The following CPQ variants were observed in gnomAD, a reference collection of about 807,000 sequenced individuals.
CPQ encodes carboxypeptidase Q.
Under a neutral mutation model 45.7 loss-of-function variants are expected in CPQ, and 37 were observed. The ratio of observed to expected loss-of-function variants is 0.81; its 90% confidence interval spans 0.62 to 1.07. The LOEUF (loss-of-function observed/expected upper bound fraction) is 1.07, where lower values mean the gene tolerates loss of function less well. Among genes scored for constraint, CPQ ranks in the 50% least tolerant of loss-of-function variants. The probability of loss-of-function intolerance (pLI) is 0.00; values close to 1 mark genes in which losing one functional copy is unlikely to be tolerated. For synonymous variants in CPQ, 186 were observed against 205.8 expected, an observed-to-expected ratio of 0.90 and a Z score of 0.82; for missense variants, 537 against 572.9, an observed-to-expected ratio of 0.94 and a Z score of 0.64.
chr8:97,130,681 A>AT (rs959029042), intron 7 of CPQ, among the ~76,000 whole-genome samples: 2 of 152,036 alleles, frequency 1.3e-5, no homozygotes, highest in African/African-American at 4.8e-5. Flanking sequence ...TTGGGTCAAG[A>AT]TTTTTTCATG....
chr8:96,992,233 G>A (rs1251550464), intron 5 of CPQ, among the ~76,000 whole-genome samples: 1 of 152,172 alleles, frequency 6.6e-6, no homozygotes, highest in Non-Finnish European at 1.5e-5. Flanking sequence ...TACTAAATGT[G>A]GCTTCTGCCT....
chr8:96,731,156 A>AT (rs1809908849), intron 1 of CPQ, among the ~76,000 whole-genome samples: 1 of 152,048 alleles, frequency 6.6e-6, no homozygotes, highest in African/African-American at 2.4e-5. Context: ...GGTTTTAACC[A>AT]TCTACATCTA....
At chr8:96,906,688 A>C (rs1812581914) in intron 4 of CPQ, among the ~76,000 whole-genome samples, 1 of 152,004 alleles carries the variant, frequency 6.6e-6, no homozygotes, top group East Asian at 1.9e-4. Context: ...CTTTTTTGCT[A>C]TGTGTCCTCC....
chr8:96,789,475 A>T (rs968532348), intron 2 of CPQ, among the ~76,000 whole-genome samples: 1 of 152,170 alleles, frequency 6.6e-6, no homozygotes, highest in African/African-American at 2.4e-5. Context: ...AGTCACCCGT[A>T]GGTCTGCATA....
chr8:97,123,174 A>T (rs34641083), intron 7 of CPQ, among the ~76,000 whole-genome samples: 895 of 59,826 alleles, frequency 0.015, 13 homozygotes, highest in Non-Finnish European at 0.022. Flanking sequence ...AAATAAAATA[A>T]AATATAAAAT....
chr8:96,834,629 A>G (rs1352072961), intron 2 of CPQ, among the ~76,000 whole-genome samples: 1 of 152,228 alleles, frequency 6.6e-6, no homozygotes, highest in African/African-American at 2.4e-5. Context: ...ATTTTTAAAA[A>G]TAAATGATTA....
chr8:96,972,900 G>C (rs946672896), intron 5 of CPQ, among the ~76,000 whole-genome samples: 2 of 152,148 alleles, frequency 1.3e-5, no homozygotes, highest in African/African-American at 4.8e-5. Context: ...CTGAATCCCA[G>C]ACCTTCCCTC....
intron 4 of CPQ, among the ~76,000 whole-genome samples, chr8:96,942,327 T>G (rs1586460554): frequency 6.6e-6 from 1 of 152,174 alleles, no homozygotes; most frequent in African/African-American, 2.4e-5. Flanking sequence ...ATTGTTTGTA[T>G]GTAATGCCAG....
At chr8:96,851,827 G>C (rs971843691) in intron 3 of CPQ, among the ~76,000 whole-genome samples, 1 of 152,162 alleles carries the variant, frequency 6.6e-6, no homozygotes, top group African/African-American at 2.4e-5. Flanking sequence ...TTGGAAGATG[G>C]ATTTTGAAAG....
intron 7 of CPQ, chr8:97,133,480 A>G (rs1172738346): frequency 6.6e-6 from 1 of 152,200 alleles, no homozygotes; most frequent in East Asian, 1.9e-4. Context: ...GGTGGTGGTA[A>G]AGTAATACAA....
intron 4 of CPQ, among the ~76,000 whole-genome samples, chr8:96,960,423 C>CTT (rs1241336226): frequency 6.6e-6 from 1 of 152,180 alleles, no homozygotes; most frequent in Admixed American, 6.5e-5. Flanking sequence ...GTTGAACTCA[C>CTT]TTGTAAAACT....
At position 96,797,251 on chromosome 8, in the gene CPQ, T is replaced by C. The variant is rs1400398480; in HGVS notation, c.433+11921T>C. 3.3e-5 allele frequency among the ~76,000 whole-genome samples: 5 copies of C among 152,186 alleles called. No homozygotes were observed. The East Asian group carries it at 9.6e-4, about 29-fold the overall frequency. On this transcript the variant is annotated intron_variant, in intron 2 of 7. Transcript: ENST00000220763. ...TAAATTACTTCTAGAACCCTAACTG[T>C]AGAAAATCCCAGGAATGTAGTTCTT...
chr8:96,765,942 G>A (rs1034567051), intron 1 of CPQ, among the ~76,000 whole-genome samples: 2 of 152,158 alleles, frequency 1.3e-5, no homozygotes, highest in Non-Finnish European at 2.9e-5. Flanking sequence ...TGCTGTGTAC[G>A]ATGGAGAAAG....
intron 1 of CPQ, among the ~76,000 whole-genome samples, chr8:96,721,805 TTG>T (rs1809767560): frequency 6.6e-6 from 1 of 152,220 alleles, no homozygotes. Context: ...CCTTGAACCT[TTG>T]TGCATGTCAT....
At chr8:97,056,512 G>A (rs1316720252) in intron 6 of CPQ, 3 of 152,144 alleles carry the variant, frequency 2.0e-5, no homozygotes, top group Non-Finnish European at 4.4e-5. Flanking sequence ...GCATTTCCAG[G>A]AGTAAACAAA....
chr8:96,739,062 T>A (rs1463208509), intron 1 of CPQ, among the ~76,000 whole-genome samples: 2 of 151,334 alleles, frequency 1.3e-5, no homozygotes, highest in African/African-American at 2.4e-5. Flanking sequence ...GTTGAACTAG[T>A]CTACAGTCCC....
intron 6 of CPQ, among the ~76,000 whole-genome samples, chr8:97,054,747 T>C (rs1810423433): frequency 6.6e-6 from 1 of 152,104 alleles, no homozygotes; most frequent in Non-Finnish European, 1.5e-5. Context: ...CAGGGTGGTA[T>C]AATGGACACT....
intron 7 of CPQ, among the ~76,000 whole-genome samples, chr8:97,090,167 T>C (rs1418229626): frequency 6.6e-6 from 1 of 152,150 alleles, no homozygotes; most frequent in Non-Finnish European, 1.5e-5. Context: ...TTCCCTGGAG[T>C]AGGGAGACCT....
intron 7 of CPQ, among the ~76,000 whole-genome samples, chr8:97,121,300 A>T (rs1016810441): frequency 2.0e-5 from 3 of 152,252 alleles, no homozygotes; most frequent in African/African-American, 7.2e-5. Context: ...AAAACTGGAC[A>T]AAATATATCA....
Sources: gnomAD v4.1 joint callset for allele counts (sites outside exome capture counted in the v4.1 genomes callset) on GRCh38, gnomAD v4.1.1 for gene constraint, MANE v1.5 for transcripts, NCBI Gene and HGNC (gene_info 2026-07-23, HGNC 2026-07-21) for gene names.